TGM7: variants seen among roughly 807,000 people sequenced by gnomAD.
TGM7 encodes the protein protein-glutamine gamma-glutamyltransferase Z.
Under a neutral mutation model 79.5 loss-of-function variants are expected in TGM7, and 74 were observed. The observed-to-expected ratio is 0.93, with a 90% confidence interval of 0.77 to 1.13. TGM7 has a LOEUF of 1.13. Ranked by LOEUF, TGM7 falls within the 50% of genes most tolerant of loss-of-function variation. The probability of loss-of-function intolerance (pLI) is 0.00; values close to 1 mark genes in which losing one functional copy is unlikely to be tolerated. For missense variants in TGM7, 912 were observed against 905.9 expected, an observed-to-expected ratio of 1.01 and a Z score of -0.09; for synonymous variants, 354 against 362.5, an observed-to-expected ratio of 0.98 and a Z score of 0.27.
At chr15:43,282,460 G>A in intron 8 of TGM7, 57 bp downstream of exon 8, 1 of 1,466,884 alleles carries the variant, frequency 6.8e-7, no homozygotes, top group Non-Finnish European at 9.3e-7. Flanking sequence ...CCCACGGCCA[G>A]TCACCCTAAT....
intron 4 of TGM7, among the ~76,000 whole-genome samples, chr15:43,288,588 G>C (rs184096461): frequency 6.6e-6 from 1 of 152,100 alleles, no homozygotes; most frequent in Admixed American, 6.6e-5. Context: ...AGTACTATTG[G>C]ATTAAATATG....
At chr15:43,281,752 C>A (rs940746537) in intron 9 of TGM7, 92 bp downstream of exon 9, 1 of 1,550,888 alleles carries the variant, frequency 6.4e-7, no homozygotes, top group Non-Finnish European at 8.8e-7. Context: ...AGAGGTGATT[C>A]GATGGTGATG....
intron 7 of TGM7, 60 bp from the exon 8 acceptor site, chr15:43,282,680 G>A (rs1280740781): frequency 5.5e-6 from 7 of 1,281,408 alleles, no homozygotes; most frequent in Non-Finnish European, 5.5e-6. Flanking sequence ...CAGGTACCAG[G>A]CACTATACGG....
intron 1 of TGM7, among the ~76,000 whole-genome samples, chr15:43,301,074 C>A (rs911464176): frequency 1.3e-5 from 2 of 152,028 alleles, no homozygotes; most frequent in South Asian, 2.1e-4. Context: ...TTTGACCCCC[C>A]CAGGCTCATG....
chr15:43,298,021 C>T (rs564078072), intron 1 of TGM7, among the ~76,000 whole-genome samples: 14 of 152,328 alleles, frequency 9.2e-5, no homozygotes, highest in Admixed American at 2.6e-4. Flanking sequence ...TACCAATGCC[C>T]GGCATTGTTT....
At chr15:43,277,728 AG>A (rs2042885200) in intron 11 of TGM7, among the ~76,000 whole-genome samples, 1 of 152,196 alleles carries the variant, frequency 6.6e-6, no homozygotes, top group African/African-American at 2.4e-5. Context: ...GATATCAGTA[AG>A]CACGTGTTGA....
At chr15:43,282,678 A>G (rs2042915731) in intron 7 of TGM7, 58 bp from the exon 8 acceptor site, 2 of 1,336,238 alleles carry the variant, frequency 1.5e-6, no homozygotes, top group African/African-American at 1.4e-5. Flanking sequence ...GCCAGGTACC[A>G]GGCACTATAC....
At position 43,279,615 on chromosome 15, in the gene TGM7, T is replaced by G. The variant is rs569425239; in HGVS notation, c.1678+10A>C. 1.9e-6 allele frequency: 3 copies of G among 1,566,188 alleles called. No homozygotes were observed. In the South Asian group the frequency reaches 3.6e-5, roughly 19 times the overall value. ...CTGTAGGTGCCTTCTCAGGCCTGCCTCACACTCACCCTTCCCAAAGTCCAG... is the reference window on the plus strand; with the variant it reads ...CTGTAGGTGCCTTCTCAGGCCTGCCGCACACTCACCCTTCCCAAAGTCCAG... On this transcript the variant is annotated intron_variant, in intron 10 of 12. Transcript: ENST00000452443.
At chr15:43,292,130 C>A (rs770168973) in intron 3 of TGM7, 33 bp from the exon 4 acceptor site, 3 of 1,467,588 alleles carry the variant, frequency 2.0e-6, no homozygotes, top group Non-Finnish European at 2.8e-6. Context: ...GGGGGCAAAA[C>A]CCCAAACCAA....
chr15:43,294,069 G>A (rs2042980731), intron 1 of TGM7, among the ~76,000 whole-genome samples: 1 of 152,100 alleles, frequency 6.6e-6, no homozygotes, highest in East Asian at 1.9e-4. Context: ...GCCGCTGCAT[G>A]CTCTTAACTA....
Position 43,287,649 on chromosome 15 carries a change from G to T in TGM7, c.579C>A (p.Asp193Glu). 1 of 1,613,448 alleles carries T rather than the reference G, an allele frequency of 6.2e-7. No homozygotes were observed. Among genetic ancestry groups the T allele is most frequent in the South Asian group, 1.1e-5 (1 of 90,920 alleles). Reference protein sequence around the residue: ...NYGQFEEDIIDICFEILNKSL... With the variant: ...NYGQFEEDIIEICFEILNKSL... The stretch of plus-strand genomic sequence containing the variant: ...TCTTGTTCAGGATCTCAAAGCAGAT[G>T]TCTATGATGTCCTCTTCAAACTTCC... The change falls in exon 5 of 13, where the codon GAC becomes GAA. Residue 193 changes from aspartate to glutamate, a missense_variant. Asp to Glu is a conservative substitution (Grantham distance 45). Coordinates refer to ENST00000452443, the MANE Select transcript of TGM7 (RefSeq NM_052955.3).
intron 1 of TGM7, 73 bp from the exon 2 acceptor site, chr15:43,293,704 G>T: frequency 8.2e-7 from 1 of 1,218,096 alleles, no homozygotes. Flanking sequence ...TGGCTTCTCA[G>T]TCATTTCTGG....
intron 11 of TGM7, among the ~76,000 whole-genome samples, 169 bp from the exon 12 acceptor site, chr15:43,277,164 CAT>C (rs1335265681): frequency 1.3e-5 from 2 of 152,104 alleles, no homozygotes; most frequent in Non-Finnish European, 2.9e-5. Flanking sequence ...GAGATTAACA[CAT>C]ATACAGGCCT....
Position 43,281,978 on chromosome 15 carries a change from A to G in TGM7, c.1217T>C (p.Ile406Thr). 6.2e-7 allele frequency: 1 copy of G among 1,614,144 alleles called. No individual in the cohort carries two copies. Among genetic ancestry groups the G allele is most frequent in the Non-Finnish European group, 8.5e-7 (1 of 1,180,030 alleles). The change falls in exon 9 of 13, where the codon ATT becomes ACT. Residue 406 changes from isoleucine to threonine, a missense_variant. Transcript: ENST00000452443. ...VYAEVNADEV[I>T]WLLGDGQAQE... ...GGCCTGGCCATCCCCAAGGAGCCAA[A>G]TGACTTCATCGGCGTTCACCTCGGC...
At chr15:43,294,255 G>A (rs989384727) in intron 1 of TGM7, among the ~76,000 whole-genome samples, 2 of 152,154 alleles carry the variant, frequency 1.3e-5, no homozygotes, top group African/African-American at 2.4e-5. Context: ...ACTTACTTCT[G>A]ACTTCTCAGC....
chr15:43,293,268 C>G (rs902739366), intron 2 of TGM7, among the ~76,000 whole-genome samples, 181 bp downstream of exon 2: 2 of 152,116 alleles, frequency 1.3e-5, no homozygotes, highest in African/African-American at 4.8e-5. Context: ...CTCAGTTTGC[C>G]GAGTTGACCA....
chr15:43,281,696 A>T, intron 9 of TGM7, 148 bp downstream of exon 9: 2 of 1,236,180 alleles, frequency 1.6e-6, no homozygotes, highest in Non-Finnish European at 2.2e-6. Context: ...CCCTAGGGCC[A>T]CATGCCTGGG....
chr15:43,276,839 A>G, intron 12 of TGM7, 23 bp downstream of exon 12: 1 of 1,610,674 alleles, frequency 6.2e-7, no homozygotes, highest in Non-Finnish European at 8.5e-7. Flanking sequence ...AGCAAGGGGG[A>G]GGTGGGCAGA....
rs752669926 is a variant in TGM7, at chr15:43,282,560, G to C, written c.1065C>G (p.Asn355Lys). 2.6e-5 allele frequency: 41 copies of C among 1,601,854 alleles called. 1 individual carries two copies. The Admixed American group carries it at 5.3e-4, about 21-fold the overall frequency. Residue 355 changes from asparagine (N) to lysine (K), a missense_variant, in exon 8 of 13, where the codon AAC becomes AAG. Asn to Lys is a moderately conservative substitution (Grantham distance 94). Coordinates refer to ENST00000452443, the MANE Select transcript of TGM7 (RefSeq NM_052955.3). ...GAGTGGGGTCCAGAACCTGCCACCC[G>C]TTGTATCCTGGTGGGAGATCTTTCC... is the stretch of plus-strand genomic sequence containing the variant. Reference protein sequence around the residue: ...MIRKDLPPGYNGWQVLDPTPQ... With the variant: ...MIRKDLPPGYKGWQVLDPTPQ...
Sources: allele counts gnomAD v4.1 joint callset (sites outside exome capture counted in the v4.1 genomes callset), GRCh38; gene constraint gnomAD v4.1.1; transcripts MANE v1.5; gene names NCBI Gene and HGNC (gene_info 2026-07-23, HGNC 2026-07-21).